The following SEMA5A variants were observed in gnomAD, a reference collection of about 807,000 sequenced individuals.
The protein encoded by SEMA5A is semaphorin 5A.
In SEMA5A, 55 loss-of-function variants were observed where a neutral mutation model predicts 135.5. That is an observed-to-expected ratio of 0.41 (90% CI 0.33 to 0.51). The LOEUF (loss-of-function observed/expected upper bound fraction) is 0.51, where lower values mean the gene tolerates loss of function less well. Among genes scored for constraint, SEMA5A ranks in the 20% least tolerant of loss-of-function variants. SEMA5A has a pLI of 0.37. For synonymous variants in SEMA5A, 580 were observed against 546.5 expected, an observed-to-expected ratio of 1.06 and a Z score of -0.85; for missense variants, 1,290 against 1,419.9, an observed-to-expected ratio of 0.91 and a Z score of 1.47.
chr5:9,113,830 C>T lies in SEMA5A; in HGVS notation c.1925+5168G>A, dbSNP rs189955273. Among the ~76,000 whole-genome samples, 59 of 152,266 alleles carry T rather than the reference C, an allele frequency of 3.9e-4. No individual in the cohort carries two copies. In the East Asian group the frequency reaches 0.011, roughly 28 times the overall value. On this transcript the variant is annotated intron_variant, in intron 15 of 22. Transcript: ENST00000382496. ...AGAAGAATGCAGAGAAATTGGAACT[C>T]TCATGCGTTGCTGTTGGGAAAGAAC... is the stretch of plus-strand genomic sequence containing the variant.
intron 5 of SEMA5A, among the ~76,000 whole-genome samples, chr5:9,238,496 T>C (rs1748029230): frequency 6.6e-6 from 1 of 152,152 alleles, no homozygotes; most frequent in Non-Finnish European, 1.5e-5. Flanking sequence ...CCACAGCTTT[T>C]AAATATTTTT....
At chr5:9,102,832 T>C (rs1369031807) in intron 16 of SEMA5A, among the ~76,000 whole-genome samples, 1 of 152,224 alleles carries the variant, frequency 6.6e-6, no homozygotes, top group Non-Finnish European at 1.5e-5. Context: ...TGAGGCTATA[T>C]GCAGCTCCTA....
At chr5:9,282,834 G>A (rs969133508) in intron 5 of SEMA5A, among the ~76,000 whole-genome samples, 4 of 152,142 alleles carry the variant, frequency 2.6e-5, no homozygotes, top group African/African-American at 7.2e-5. Flanking sequence ...CTTAAAACCT[G>A]TGACCATGTT....
intron 8 of SEMA5A, among the ~76,000 whole-genome samples, chr5:9,221,525 A>G (rs1382247762): frequency 4.0e-5 from 6 of 151,708 alleles, no homozygotes; most frequent in South Asian, 2.1e-4. Context: ...GATGGTCTCG[A>G]TCTCCTGACC....
chr5:9,091,716 C>T (rs1380230605), intron 16 of SEMA5A, among the ~76,000 whole-genome samples: 1 of 152,174 alleles, frequency 6.6e-6, no homozygotes, highest in African/African-American at 2.4e-5. Flanking sequence ...CATGAGGGCT[C>T]CTCAGTGGAC....
chr5:9,248,063 TTC>T (rs1250434792), intron 5 of SEMA5A, among the ~76,000 whole-genome samples: 1 of 152,172 alleles, frequency 6.6e-6, no homozygotes, highest in African/African-American at 2.4e-5. Flanking sequence ...CCAAACATTT[TTC>T]TCTCTTCTAT....
chr5:9,482,351 A>G (rs1759910202), intron 1 of SEMA5A, among the ~76,000 whole-genome samples: 3 of 152,230 alleles, frequency 2.0e-5, no homozygotes, highest in Non-Finnish European at 4.4e-5. Flanking sequence ...AATGTAGAGC[A>G]GCAGCTTACA....
At chr5:9,131,532 C>T (rs1741416013) in intron 13 of SEMA5A, among the ~76,000 whole-genome samples, 1 of 142,124 alleles carries the variant, frequency 7.0e-6, no homozygotes, top group Non-Finnish European at 1.5e-5. Context: ...GGCATGAACC[C>T]AGGAGGTGGA....
intron 16 of SEMA5A, among the ~76,000 whole-genome samples, chr5:9,070,400 A>C (rs535823749): frequency 2.6e-5 from 4 of 152,136 alleles, no homozygotes; most frequent in Admixed American, 6.5e-5. Flanking sequence ...AATCATGTGC[A>C]GTTTATGGGC....
chr5:9,346,037 A>C (rs760026784), intron 3 of SEMA5A, among the ~76,000 whole-genome samples: 1 of 152,082 alleles, frequency 6.6e-6, no homozygotes, highest in Admixed American at 6.6e-5. Context: ...GACAACTTAT[A>C]TTCTGTTTTC....
At chr5:9,128,010 G>GA (rs1338755143) in intron 13 of SEMA5A, among the ~76,000 whole-genome samples, 1 of 152,220 alleles carries the variant, frequency 6.6e-6, no homozygotes, top group Non-Finnish European at 1.5e-5. Flanking sequence ...TCCTGTCCTG[G>GA]AGGGAACCTG....
chr5:9,322,498 G>A (rs1318619446), intron 4 of SEMA5A, among the ~76,000 whole-genome samples: 1 of 152,028 alleles, frequency 6.6e-6, no homozygotes, highest in East Asian at 1.9e-4. Context: ...AAGCACCAGA[G>A]GATTTGAACT....
chr5:9,474,604 C>A (rs991854153), intron 1 of SEMA5A, among the ~76,000 whole-genome samples: 1 of 152,226 alleles, frequency 6.6e-6, no homozygotes, highest in East Asian at 1.9e-4. Context: ...CAAGGCACAG[C>A]GGCATGCATC....
intron 1 of SEMA5A, among the ~76,000 whole-genome samples, chr5:9,501,610 C>T (rs1211155878): frequency 2.6e-5 from 4 of 152,114 alleles, no homozygotes; most frequent in Non-Finnish European, 5.9e-5. Context: ...AAGGAACGAC[C>T]AGCTCCCTTC....
chr5:9,482,995 G>A (rs1007802051), intron 1 of SEMA5A, among the ~76,000 whole-genome samples: 4 of 152,142 alleles, frequency 2.6e-5, no homozygotes, highest in African/African-American at 4.8e-5. Context: ...AAACATCAAA[G>A]GACTGCTCAG....
intron 3 of SEMA5A, among the ~76,000 whole-genome samples, chr5:9,361,826 C>A (rs1403699416): frequency 6.6e-6 from 1 of 152,154 alleles, no homozygotes; most frequent in Non-Finnish European, 1.5e-5. Flanking sequence ...TAGTTCCATT[C>A]ATTGTTTCAT....
At chr5:9,176,018 TATGA>T (rs1032905111) in intron 11 of SEMA5A, among the ~76,000 whole-genome samples, 2 of 152,206 alleles carry the variant, frequency 1.3e-5, no homozygotes, top group African/African-American at 2.4e-5. Context: ...TGGCCAGACC[TATGA>T]ATATGACAGT....
intron 16 of SEMA5A, among the ~76,000 whole-genome samples, chr5:9,075,202 T>G (rs1358652006): frequency 6.6e-6 from 1 of 152,252 alleles, no homozygotes; most frequent in East Asian, 1.9e-4. Flanking sequence ...TCTGCAGGTT[T>G]GCTCTATCTC....
chr5:9,354,479 A>G (rs897990961), intron 3 of SEMA5A, among the ~76,000 whole-genome samples: 1 of 152,160 alleles, frequency 6.6e-6, no homozygotes, highest in African/African-American at 2.4e-5. Context: ...GGTGTTTGTC[A>G]TGGTGAACTT....
Sources: gnomAD v4.1 joint callset for allele counts (sites outside exome capture counted in the v4.1 genomes callset) on GRCh38, gnomAD v4.1.1 for gene constraint, MANE v1.5 for transcripts, NCBI Gene and HGNC (gene_info 2026-07-23, HGNC 2026-07-21) for gene names.